LRP1B: variants seen among roughly 807,000 people sequenced by gnomAD.
The protein encoded by LRP1B is low-density lipoprotein receptor-related protein 1B.
LRP1B carries 217 observed loss-of-function variants against 556.6 expected under a neutral mutation model. The observed-to-expected ratio is 0.39, with a 90% confidence interval of 0.35 to 0.44. LRP1B has a LOEUF of 0.44. Ranked by LOEUF, LRP1B falls within the 20% of genes least tolerant of loss-of-function variation. The pLI, the probability that LRP1B is intolerant of heterozygous loss-of-function variation, is 1.00. For synonymous variants in LRP1B, 2,047 were observed against 1,865.8 expected (o/e 1.10, Z -2.50); for missense variants, 5,053 against 5,620.8 (o/e 0.90, Z 3.23).
At chr2:141,950,048 T>C (rs1237281496) in intron 1 of LRP1B, among the ~76,000 whole-genome samples, 1 of 152,172 alleles carries the variant, frequency 6.6e-6, no homozygotes, top group Non-Finnish European at 1.5e-5. Flanking sequence ...TGCATACTTG[T>C]ATGTTCGGCC....
chr2:140,370,704 C>T lies in LRP1B; in HGVS notation c.11008+6G>A, dbSNP rs749286394. On this transcript the variant is annotated splice_donor_region_variant and intron_variant, in intron 71 of 90. Transcript: ENST00000389484. The stretch of plus-strand genomic sequence containing the variant: ...TTACAGGCACACACACACAAAAATA[C>T]CTTACCTCTTTCACAGTTCTCTTCA... 6.2e-7 allele frequency: 1 copy of T among 1,612,100 alleles called. No individual in the cohort carries two copies. Among genetic ancestry groups the T allele is most frequent in the Non-Finnish European group, 8.5e-7 (1 of 1,178,710 alleles).
intron 37 of LRP1B, among the ~76,000 whole-genome samples, chr2:140,704,471 G>A (rs554139841): frequency 1.7e-4 from 26 of 152,080 alleles, no homozygotes; most frequent in African/African-American, 4.8e-4. Flanking sequence ...AATCAGAAAG[G>A]AAAAACTTTG....
chr2:142,035,586 G>A (rs1317100364), intron 1 of LRP1B, among the ~76,000 whole-genome samples: 3 of 151,578 alleles, frequency 2.0e-5, no homozygotes, highest in African/African-American at 7.3e-5. Flanking sequence ...GTCAGAATAA[G>A]CACCGCTGCT....
intron 2 of LRP1B, among the ~76,000 whole-genome samples, chr2:141,697,984 G>C (rs981424617): frequency 3.0e-4 from 45 of 152,082 alleles, no homozygotes; most frequent in Admixed American, 2.4e-3. Context: ...TTTCTGAGCT[G>C]TACAGTATTA....
intron 2 of LRP1B, among the ~76,000 whole-genome samples, chr2:141,741,942 T>A (rs944074266): frequency 6.6e-6 from 1 of 152,212 alleles, no homozygotes; most frequent in Admixed American, 6.5e-5. Context: ...GATTTAAGTC[T>A]TTAATACATT....
At chr2:140,707,533 A>G (rs1204230859) in intron 37 of LRP1B, among the ~76,000 whole-genome samples, 1 of 152,120 alleles carries the variant, frequency 6.6e-6, no homozygotes, top group Non-Finnish European at 1.5e-5. Context: ...CACTAGAATC[A>G]CTCAAAATTC....
At chr2:141,464,606 A>ATATATATATATATTT in intron 3 of LRP1B, among the ~76,000 whole-genome samples, 1 of 90,544 alleles carries the variant, frequency 1.1e-5, no homozygotes, top group South Asian at 3.2e-4. Context: ...ATATATATAT[A>ATATATATATATATTT]TTTTTTTAGT....
chr2:141,676,072 T>C (rs1690863232), intron 2 of LRP1B, among the ~76,000 whole-genome samples: 1 of 152,134 alleles, frequency 6.6e-6, no homozygotes, highest in Admixed American at 6.6e-5. Flanking sequence ...TTCCACCATA[T>C]AAAACTTCCT....
At chr2:140,923,708 G>A (rs548404493) in intron 20 of LRP1B, among the ~76,000 whole-genome samples, 1 of 151,926 alleles carries the variant, frequency 6.6e-6, no homozygotes, top group African/African-American at 2.4e-5. Flanking sequence ...TCTGGACAAA[G>A]GATTTCAATT....
intron 3 of LRP1B, among the ~76,000 whole-genome samples, chr2:141,400,549 T>C (rs1690412642): frequency 6.6e-6 from 1 of 152,158 alleles, no homozygotes; most frequent in Non-Finnish European, 1.5e-5. Flanking sequence ...AAGATGACAT[T>C]ATCCTAGATA....
chr2:141,913,935 A>T (rs977793185), intron 1 of LRP1B, among the ~76,000 whole-genome samples: 1 of 151,942 alleles, frequency 6.6e-6, no homozygotes, highest in Non-Finnish European at 1.5e-5. Flanking sequence ...TTTAGTAGAG[A>T]TGGGGTTTCA....
At chr2:140,643,928 C>T (rs757253809) in intron 41 of LRP1B, among the ~76,000 whole-genome samples, 30 of 151,892 alleles carry the variant, frequency 2.0e-4, no homozygotes, top group African/African-American at 5.8e-4. Context: ...GGGGGGTGGA[C>T]GATATATGTC....
intron 18 of LRP1B, 97 bp from the exon 19 acceptor site, chr2:140,952,037 G>T: frequency 1.2e-6 from 1 of 850,942 alleles, no homozygotes; most frequent in Non-Finnish European, 1.9e-6. Context: ...CTCCTTCCCT[G>T]TTCTCTACAA....
At chr2:141,537,126 T>C (rs577119567) in intron 2 of LRP1B, among the ~76,000 whole-genome samples, 3 of 152,086 alleles carry the variant, frequency 2.0e-5, no homozygotes, top group Non-Finnish European at 2.9e-5. Context: ...AAAACATTTC[T>C]TTATCAAATA....
At chr2:141,253,955 G>A (rs1229463123) in intron 4 of LRP1B, among the ~76,000 whole-genome samples, 2 of 152,000 alleles carry the variant, frequency 1.3e-5, no homozygotes, top group African/African-American at 4.8e-5. Flanking sequence ...GGAATCAAGT[G>A]AATGGAAAGG....
intron 31 of LRP1B, among the ~76,000 whole-genome samples, chr2:140,830,295 A>T (rs966046620): frequency 5.3e-5 from 8 of 152,008 alleles, no homozygotes; most frequent in African/African-American, 1.9e-4. Context: ...AAAACCAAAG[A>T]CATGACAAAA....
At chr2:140,613,857 A>T (rs1683168297) in intron 41 of LRP1B, among the ~76,000 whole-genome samples, 1 of 152,106 alleles carries the variant, frequency 6.6e-6, no homozygotes. Flanking sequence ...TATAGTATTT[A>T]TTCAAAAGGC....
chr2:142,004,914 C>T (rs993611666), intron 1 of LRP1B, among the ~76,000 whole-genome samples: 6 of 151,654 alleles, frequency 4.0e-5, no homozygotes, highest in Non-Finnish European at 8.8e-5. Flanking sequence ...TGCCTACCTA[C>T]AGCTAATTGT....
chr2:140,472,540 T>C (rs1687812441), intron 60 of LRP1B, among the ~76,000 whole-genome samples: 1 of 151,952 alleles, frequency 6.6e-6, no homozygotes, highest in African/African-American at 2.4e-5. Flanking sequence ...GTGGATTTGA[T>C]AGGAGGGTGA....
Sources: allele counts gnomAD v4.1 joint callset (sites outside exome capture counted in the v4.1 genomes callset), GRCh38; gene constraint gnomAD v4.1.1; transcripts MANE v1.5; gene names NCBI Gene and HGNC (gene_info 2026-07-23, HGNC 2026-07-21).